Variants in MTMR7 observed in about 807,000 individuals in gnomAD.
The protein encoded by MTMR7 is phosphatidylinositol-3-phosphate phosphatase MTMR7.
Under a neutral mutation model 81.2 loss-of-function variants are expected in MTMR7, and 76 were observed. That is an observed-to-expected ratio of 0.94 (90% CI 0.78 to 1.13). MTMR7 has a LOEUF of 1.13. Ranked by LOEUF, MTMR7 falls within the 50% of genes most tolerant of loss-of-function variation. The probability of loss-of-function intolerance (pLI) is 0.00; values close to 1 mark genes in which losing one functional copy is unlikely to be tolerated. For synonymous variants in MTMR7, 372 were observed against 289.8 expected, an observed-to-expected ratio of 1.28 and a Z score of -2.88; for missense variants, 1,044 against 820.0, an observed-to-expected ratio of 1.27 and a Z score of -3.34.
intron 3 of MTMR7, among the ~76,000 whole-genome samples, chr8:17,362,499 G>A (rs557076299): frequency 1.2e-4 from 19 of 152,110 alleles, no homozygotes; most frequent in Admixed American, 2.0e-4. Flanking sequence ...TTTTACCGAC[G>A]AGAAATCTGA....
intron 1 of MTMR7, among the ~76,000 whole-genome samples, chr8:17,406,692 C>G (rs1057335079): frequency 6.6e-6 from 1 of 152,136 alleles, no homozygotes; most frequent in African/African-American, 2.4e-5. Flanking sequence ...AAACTTATCA[C>G]CGAAGTTTAT....
At chr8:17,309,979 T>G (rs1311548923) in intron 9 of MTMR7, among the ~76,000 whole-genome samples, 1 of 152,096 alleles carries the variant, frequency 6.6e-6, no homozygotes, top group Non-Finnish European at 1.5e-5. Context: ...TTATTTTGGT[T>G]TTGTATTTTA....
At chr8:17,371,746 A>T (rs1416783137) in intron 2 of MTMR7, among the ~76,000 whole-genome samples, 1 of 152,008 alleles carries the variant, frequency 6.6e-6, no homozygotes, top group Admixed American at 6.5e-5. Context: ...TTTATTGCAA[A>T]TCATAGTTGT....
Position 17,361,135 on chromosome 8 carries a change from A to G in MTMR7, c.450T>C (p.Asp150=). The change falls in exon 4 of 14, where the codon GAT becomes GAC. Residue 150 remains aspartate (D), a synonymous_variant. Transcript: ENST00000180173. ...CACTCACTCTGTAGTCTCTATTCAC[A>G]TCGCTGAGCTGCCAGTAATGATTAG... ...GLPNHYWQLS[D]VNRDYRVCDS... is the part of the protein sequence containing the mutation. 6.2e-7 allele frequency: 1 copy of G among 1,614,160 alleles called. No individual in the cohort carries two copies. Among genetic ancestry groups the G allele is most frequent in the Non-Finnish European group, 8.5e-7 (1 of 1,180,032 alleles).
At chr8:17,345,136 A>G (rs1488705359) in intron 5 of MTMR7, among the ~76,000 whole-genome samples, 1 of 152,190 alleles carries the variant, frequency 6.6e-6, no homozygotes, top group African/African-American at 2.4e-5. Flanking sequence ...TACATAACCC[A>G]TGTGCGTAAG....
At chr8:17,398,826 T>C (rs1166721116) in intron 1 of MTMR7, among the ~76,000 whole-genome samples, 4 of 152,128 alleles carry the variant, frequency 2.6e-5, no homozygotes, top group Admixed American at 2.0e-4. Flanking sequence ...GAAGGGGATA[T>C]GAAGTGAAAG....
At chr8:17,403,908 T>C (rs1157952972) in intron 1 of MTMR7, among the ~76,000 whole-genome samples, 1 of 152,250 alleles carries the variant, frequency 6.6e-6, no homozygotes, top group Admixed American at 6.5e-5. Flanking sequence ...TACTGCTTTT[T>C]GTATTTTGAT....
intron 1 of MTMR7, among the ~76,000 whole-genome samples, chr8:17,391,722 C>T (rs149568605): frequency 6.6e-6 from 1 of 152,270 alleles, no homozygotes; most frequent in East Asian, 1.9e-4. Context: ...GTAAAATTTA[C>T]TTTCACAGCT....
intron 3 of MTMR7, among the ~76,000 whole-genome samples, chr8:17,366,199 G>GA (rs1306673624): frequency 1.2e-4 from 18 of 152,158 alleles, no homozygotes; most frequent in African/African-American, 4.1e-4. Context: ...CCATATAAAG[G>GA]AAAGGGTGCT....
At chr8:17,345,708 T>C (rs998667974) in intron 5 of MTMR7, among the ~76,000 whole-genome samples, 5 of 152,230 alleles carry the variant, frequency 3.3e-5, no homozygotes, top group South Asian at 2.1e-4. Context: ...AAGGGAAAGA[T>C]GGACCCTCCA....
Position 17,341,502 on chromosome 8 carries a change from G to C in MTMR7, c.598-5C>G, listed in dbSNP as rs368290389. The C allele has an allele frequency of 9.3e-6, 15 of 1,613,150 alleles. No homozygotes were observed. Among genetic ancestry groups the C allele is most frequent in the South Asian group, 3.3e-5 (3 of 91,062 alleles). On this transcript the variant is annotated splice_polypyrimidine_tract_variant and splice_region_variant and intron_variant, in intron 5 of 13. Transcript: ENST00000180173. ...GCTGCTCCGGCAGATGGAGGCCTAG[G>C]GGGAGAGGTCACAGCAACACAGCAC...
chr8:17,364,539 G>C (rs751202234), intron 3 of MTMR7, among the ~76,000 whole-genome samples: 23 of 152,112 alleles, frequency 1.5e-4, no homozygotes, highest in Non-Finnish European at 3.2e-4. Flanking sequence ...TATTCCTCCT[G>C]CCTGAGGCTT....
intron 5 of MTMR7, among the ~76,000 whole-genome samples, chr8:17,345,129 A>G (rs1370982316): frequency 1.3e-5 from 2 of 152,208 alleles, no homozygotes; most frequent in Non-Finnish European, 2.9e-5. Context: ...GTGGCTCTAC[A>G]TAACCCATGT....
chr8:17,331,008 T>C, intron 7 of MTMR7, 142 bp downstream of exon 7: 1 of 1,008,884 alleles, frequency 9.9e-7, no homozygotes, highest in Non-Finnish European at 1.4e-6. Flanking sequence ...TTCTTAAGTG[T>C]TTAAAAAGCC....
intron 6 of MTMR7, among the ~76,000 whole-genome samples, chr8:17,336,781 C>A (rs970671319): frequency 3.9e-5 from 6 of 152,184 alleles, no homozygotes; most frequent in African/African-American, 9.6e-5. Context: ...GTCAGAGGAG[C>A]TGCTGGGAGG....
chr8:17,352,531 T>C (rs761966881), intron 4 of MTMR7, among the ~76,000 whole-genome samples: 4 of 152,146 alleles, frequency 2.6e-5, no homozygotes, highest in Admixed American at 6.5e-5. Flanking sequence ...CTTTATGACA[T>C]TGGAGTTGGC....
intron 7 of MTMR7, among the ~76,000 whole-genome samples, chr8:17,330,707 G>A (rs1324828841): frequency 6.6e-6 from 1 of 152,194 alleles, no homozygotes; most frequent in Non-Finnish European, 1.5e-5. Context: ...GGTGGCTGCT[G>A]TTTAGAAATG....
intron 5 of MTMR7, 30 bp downstream of exon 5, chr8:17,348,923 T>C: frequency 1.2e-6 from 2 of 1,613,052 alleles, no homozygotes; most frequent in Non-Finnish European, 1.7e-6. Flanking sequence ...AAAAGCAAAG[T>C]GTAAAACAAA....
chr8:17,324,604 A>G (rs951162297), intron 7 of MTMR7, among the ~76,000 whole-genome samples: 5 of 152,226 alleles, frequency 3.3e-5, no homozygotes, highest in Admixed American at 2.6e-4. Flanking sequence ...AAAAGCACAC[A>G]TACTTGATCC....
Sources: gnomAD v4.1 joint callset for allele counts (sites outside exome capture counted in the v4.1 genomes callset) on GRCh38, gnomAD v4.1.1 for gene constraint, MANE v1.5 for transcripts, NCBI Gene and HGNC (gene_info 2026-07-23, HGNC 2026-07-21) for gene names.